Variants in DGKI observed in about 807,000 individuals in gnomAD.
DGKI encodes the protein diacylglycerol kinase iota, also known as DAG kinase iota.
Under a neutral mutation model 147.5 loss-of-function variants are expected in DGKI, and 55 were observed. The ratio of observed to expected loss-of-function variants is 0.37; its 90% CI spans 0.30 to 0.47. The LOEUF (loss-of-function observed/expected upper bound fraction) is 0.47, where lower values mean the gene tolerates loss of function less well. DGKI is among the 20% of genes least tolerant of loss of function. The probability of loss-of-function intolerance (pLI) is 1.00; values close to 1 mark genes in which losing one functional copy is unlikely to be tolerated. For synonymous variants in DGKI, 469 were observed against 477.1 expected, an observed-to-expected ratio of 0.98 and a Z score of 0.22; for missense variants, 1,007 against 1,323.8, an observed-to-expected ratio of 0.76 and a Z score of 3.71.
rs1429621332 is a variant in DGKI at position 137,585,263 on chromosome 7, A to G, written c.1509T>C (p.His503=). ...GAGGCAAGTCGGGGTTTCTTTCCAC[A>G]TGGAGGTTCCAGCGATCTAGCTGTA... ...TVVQLDRWNL[H]VERNPDLPPE... Residue 503 remains histidine (H), a synonymous_variant, in exon 14 of 33, where the codon CAT becomes CAC. Transcript: ENST00000614521. The G allele has an allele frequency of 3.7e-6, 6 of 1,614,136 alleles. No homozygotes were observed. The Middle Eastern group carries it at 6.6e-4, about 178-fold the overall frequency.
At chr7:137,420,522 G>A (rs1339502987) in intron 28 of DGKI, among the ~76,000 whole-genome samples, 1 of 152,050 alleles carries the variant, frequency 6.6e-6, no homozygotes, top group Non-Finnish European at 1.5e-5. Flanking sequence ...TTATGGGAAT[G>A]TGTTATGCAT....
chr7:137,535,605 C>T (rs931072273), intron 20 of DGKI, among the ~76,000 whole-genome samples: 1 of 152,052 alleles, frequency 6.6e-6, no homozygotes, highest in Non-Finnish European at 1.5e-5. Context: ...CAACAAAACC[C>T]GCAGTAAATA....
Position 137,846,843 on chromosome 7 carries a change from C to G in DGKI, c.20G>C (p.Gly7Ala), listed in dbSNP as rs1408208392. ...CGCTGGCAGGGGCAGCAAATGGCAG[C>G]CCCTTCCCGCAGCATCCATCCGCGG... is the stretch of plus-strand genomic sequence containing the variant. The part of the protein sequence containing the change: MDAAGR[G>A]CHLLPLPAAR... Residue 7 changes from glycine to alanine, a missense_variant, in exon 1 of 33, where the codon GGC (glycine) becomes GCC (alanine). By Grantham distance (60) the Gly-to-Ala change is moderately conservative. Transcript: ENST00000614521. This position sits in a 1 kb window ranked among gnomAD's most constrained non-coding sequence, Gnocchi z 4.0. 12 of 1,152,228 alleles carry G rather than the reference C, an allele frequency of 1.0e-5. No individual in the cohort carries two copies. Among genetic ancestry groups the G allele is most frequent in the Non-Finnish European group, 1.1e-5 (10 of 936,302 alleles). 71.4% of individuals were successfully genotyped at this position (1,152,228 alleles called of 1,614,324 possible).
intron 1 of DGKI, among the ~76,000 whole-genome samples, chr7:137,770,160 T>C (rs1796140155): frequency 6.6e-6 from 1 of 152,180 alleles, no homozygotes; most frequent in Non-Finnish European, 1.5e-5. Flanking sequence ...TGAAATGTCC[T>C]TTGCAGGGAC....
chr7:137,418,123 C>G (rs754631618), intron 28 of DGKI, among the ~76,000 whole-genome samples: 2 of 152,166 alleles, frequency 1.3e-5, no homozygotes, highest in Non-Finnish European at 2.9e-5. Flanking sequence ...AAAACAAAAT[C>G]TGGCTTATTA....
At chr7:137,543,659 C>A (rs1337871737) in intron 20 of DGKI, among the ~76,000 whole-genome samples, 1 of 152,116 alleles carries the variant, frequency 6.6e-6, no homozygotes, top group African/African-American at 2.4e-5. Context: ...TTGTTCTGAG[C>A]AGAGAGTGGC....
rs1020269364 is a variant in DGKI, at chr7:137,484,664, A to C, written c.2373+710T>G. The stretch of plus-strand genomic sequence containing the variant: ...GGATGGCTGAAGAGATCTGTGCATC[A>C]CAAGTGGGATGGGGAAGTTGGAAAG... On this transcript the variant is annotated intron_variant, in intron 23 of 32. Transcript: ENST00000614521. Among the ~76,000 whole-genome samples the C allele has an allele frequency of 7.2e-5, 11 of 152,170 alleles. No individual in the cohort carries two copies. In the South Asian group the frequency reaches 1.0e-3, roughly 14 times the overall value.
chr7:137,827,371 T>C (rs1798088053), intron 1 of DGKI, among the ~76,000 whole-genome samples: 1 of 152,194 alleles, frequency 6.6e-6, no homozygotes, highest in Non-Finnish European at 1.5e-5. Flanking sequence ...CTGCCTTATC[T>C]TCCACTCTAT....
intron 1 of DGKI, among the ~76,000 whole-genome samples, chr7:137,765,175 T>C (rs1795977405): frequency 6.6e-6 from 1 of 152,198 alleles, no homozygotes; most frequent in South Asian, 2.1e-4. Flanking sequence ...ATGCAGCTTT[T>C]TAGTTGCCTC....
chr7:137,538,919 C>T (rs1054915227), intron 20 of DGKI, among the ~76,000 whole-genome samples: 4 of 152,152 alleles, frequency 2.6e-5, no homozygotes, highest in Non-Finnish European at 4.4e-5. Context: ...GCCTGGACTC[C>T]AGGCAGCATA....
At position 137,616,897 on chromosome 7, in the gene DGKI, A is replaced by C. The variant is rs569934365; in HGVS notation, c.993+2927T>G. On this transcript the variant is annotated intron_variant, in intron 8 of 32. Coordinates refer to ENST00000614521, the MANE Select transcript of DGKI (RefSeq NM_001321708.2). ...TCTTTTCTAAAAATCATAGCTAAAAAGAGTGAAAATTGGAAAACGACTCCT... is the reference window on the plus strand; with the variant it reads ...TCTTTTCTAAAAATCATAGCTAAAACGAGTGAAAATTGGAAAACGACTCCT... 9.9e-5 allele frequency among the ~76,000 whole-genome samples: 15 copies of C among 152,108 alleles called. No homozygotes were observed. The South Asian group carries it at 3.1e-3, about 32-fold the overall frequency.
intron 1 of DGKI, among the ~76,000 whole-genome samples, chr7:137,726,045 T>C (rs866473000): frequency 6.6e-5 from 10 of 152,160 alleles, no homozygotes; most frequent in Admixed American, 1.3e-4. Context: ...GAGACTCTTT[T>C]AAACCCCAAC....
At chr7:137,554,691 G>C (rs1233819811) in intron 19 of DGKI, among the ~76,000 whole-genome samples, 3 of 151,870 alleles carry the variant, frequency 2.0e-5, no homozygotes, top group Non-Finnish European at 4.4e-5. Context: ...AGGCAATCCT[G>C]GGTTGGGGGA....
chr7:137,786,962 A>G (rs1052998948), intron 1 of DGKI, among the ~76,000 whole-genome samples: 4 of 152,216 alleles, frequency 2.6e-5, no homozygotes, highest in African/African-American at 9.6e-5. Flanking sequence ...CTCACCTTAT[A>G]CAAAAATCAA....
At chr7:137,737,310 G>A (rs1400666722) in intron 1 of DGKI, among the ~76,000 whole-genome samples, 4 of 151,414 alleles carry the variant, frequency 2.6e-5, no homozygotes, top group Non-Finnish European at 5.9e-5. Flanking sequence ...ACTCATGGAA[G>A]GAGAACTTTC....
intron 5 of DGKI, among the ~76,000 whole-genome samples, chr7:137,653,112 GTGTGTGTATGTGTGTT>G (rs1412199020): frequency 6.6e-6 from 1 of 152,224 alleles, no homozygotes; most frequent in African/African-American, 2.4e-5. Context: ...AGGTGTGTGT[GTGTGTGTATGTGTGTT>G]TGTGTGTGTG....
At chr7:137,654,890 A>G in intron 4 of DGKI, 102 bp from the exon 5 acceptor site, 1 of 702,972 alleles carries the variant, frequency 1.4e-6, no homozygotes. Context: ...GAGACTGAAA[A>G]GCAAAACCTC....
intron 11 of DGKI, among the ~76,000 whole-genome samples, chr7:137,598,189 A>G (rs1819864130): frequency 6.6e-6 from 1 of 152,150 alleles, no homozygotes; most frequent in Non-Finnish European, 1.5e-5. Flanking sequence ...AACTTCTATT[A>G]TATGTCAACA....
intron 1 of DGKI, among the ~76,000 whole-genome samples, chr7:137,785,382 A>T (rs1384415636): frequency 6.6e-6 from 1 of 151,976 alleles, no homozygotes; most frequent in Non-Finnish European, 1.5e-5. Context: ...AAATTTCAGG[A>T]TAAATTCCTG....
Sources: gnomAD v4.1 joint callset for allele counts (sites outside exome capture counted in the v4.1 genomes callset) on GRCh38, gnomAD v4.1.1 for gene constraint, Gnocchi (gnomAD v3.1) non-coding constraint, MANE v1.5 for transcripts, NCBI Gene and HGNC (gene_info 2026-07-23, HGNC 2026-07-21) for gene names.